NRG2: variants seen among roughly 807,000 people sequenced by gnomAD.
NRG2 encodes the protein neuregulin 2.
In NRG2, 27 loss-of-function variants were observed where a neutral mutation model predicts 73.9. That is an observed-to-expected ratio of 0.37 (90% CI 0.27 to 0.50). NRG2 has a LOEUF of 0.50. NRG2 is among the 20% of genes least tolerant of loss of function. The pLI, the probability that NRG2 is intolerant of heterozygous loss-of-function variation, is 0.96. For synonymous variants in NRG2, 532 were observed against 541.0 expected (o/e 0.98, Z 0.23); for missense variants, 1,126 against 1,210.1 (o/e 0.93, Z 1.03).
In NRG2 at chr5:139,865,174, C is replaced by G. The variant is rs1407726867; in HGVS notation, c.1189+375G>C. On this transcript the variant is annotated intron_variant, in intron 5 of 9. Transcript: ENST00000361474. The surrounding 1 kb of genome is among the most constrained non-coding windows in gnomAD (Gnocchi z 5.2). ...GTCCCCGGTGTATCCCACAGGACAC[C>G]TACCAAAAGAAAGAAAACCAGAAAG... 1 of 1,613,276 alleles carries G rather than the reference C, an allele frequency of 6.2e-7. No homozygotes were observed. The highest frequency in any genetic ancestry group is 1.3e-5 in the African/African-American group (1 of 74,882).
At chr5:139,950,002 G>A (rs1754076145) in intron 1 of NRG2, among the ~76,000 whole-genome samples, 1 of 152,194 alleles carries the variant, frequency 6.6e-6, no homozygotes, top group Non-Finnish European at 1.5e-5. Context: ...GCATGTGTGT[G>A]ACAAAGACAC....
chr5:139,851,909 C>A lies in NRG2; in HGVS notation c.1545-78G>T. On this transcript the variant is annotated intron_variant, in intron 8 of 9. Coordinates refer to ENST00000361474, the MANE Select transcript of NRG2 (RefSeq NM_004883.3). The surrounding 1 kb of genome is among the most constrained non-coding windows in gnomAD (Gnocchi z 4.2). ...CAGCAGGTGTGGTCCCATGGACCTC[C>A]CTGGCTCTTCTTCCACCTCGAGCTC... The A allele has an allele frequency of 8.0e-7, 1 of 1,242,458 alleles. No homozygotes were observed. Among genetic ancestry groups the A allele is most frequent in the Non-Finnish European group, 1.2e-6 (1 of 868,546 alleles). 77.0% of individuals were successfully genotyped at this position (1,242,458 alleles called of 1,614,324 possible).
At chr5:139,861,543 A>G (rs1762143770) in intron 5 of NRG2, among the ~76,000 whole-genome samples, 1 of 152,190 alleles carries the variant, frequency 6.6e-6, no homozygotes, top group African/African-American at 2.4e-5. Context: ...CCAATGAAGC[A>G]TTCATTACTC....
chr5:140,042,946 C>CGCTGCTCCT lies in NRG2; in HGVS notation c.123_124insAGGAGCAGC (p.Ser41_Glu42insArgSerSer). The CGCTGCTCCT allele has an allele frequency of 6.5e-7, 1 of 1,532,844 alleles. No homozygotes were observed. 95.0% of individuals were successfully genotyped at this position (1,532,844 alleles called of 1,614,324 possible). ...CTGCTCCTGCTGCTGCTGCCGCTCTCGCTGCTGCTGCTGCTGCTGCTGCTG... is the reference window on the plus strand; with the variant it reads ...CTGCTCCTGCTGCTGCTGCCGCTCTCGCTGCTCCTGCTGCTGCTGCTGCTGCTGCTGCTG... On this transcript the variant is annotated inframe_insertion, in exon 1 of 10. Coordinates refer to ENST00000361474, the MANE Select transcript of NRG2 (RefSeq NM_004883.3).
In NRG2 at chr5:140,043,041, G is replaced by A. The variant is rs1288590380; in HGVS notation, c.29C>T (p.Pro10Leu). MRQVCCSAL[P>L]PPPLEKGRCS... is the part of the protein sequence containing the mutation. ...CCGACCCTTCTCCAGTGGCGGCGGC[G>A]GCAGCGCTGAGCAGCAAACCTGCCG... Residue 10 changes from proline (P) to leucine (L), a missense_variant, in exon 1 of 10, where the codon CCG (proline) becomes CTG (leucine). Pro to Leu is a moderately conservative substitution (Grantham distance 98, BLOSUM62 -3). This residue lies in a region of NRG2 where 185 missense variants were observed against 149.0 expected (regional missense o/e 1.24). Transcript: ENST00000361474. This position sits in a 1 kb window ranked among gnomAD's most constrained non-coding sequence, Gnocchi z 6.7. The A allele has an allele frequency of 9.1e-6, 14 of 1,535,584 alleles. No individual in the cohort carries two copies. The African/African-American group carries it at 1.5e-4, about 17-fold the overall frequency.
At chr5:139,943,347 A>G (rs1161334232) in intron 1 of NRG2, among the ~76,000 whole-genome samples, 2 of 151,620 alleles carry the variant, frequency 1.3e-5, no homozygotes, top group Non-Finnish European at 2.9e-5. Context: ...ATGGGGTTTC[A>G]CTGTATTAGC....
At chr5:139,958,058 T>G (rs1212348375) in intron 1 of NRG2, among the ~76,000 whole-genome samples, 1 of 152,046 alleles carries the variant, frequency 6.6e-6, no homozygotes, top group Non-Finnish European at 1.5e-5. Flanking sequence ...CTCCTGGAAG[T>G]TTCCTGGGAC....
chr5:139,933,743 C>G (rs1484696946), intron 1 of NRG2, among the ~76,000 whole-genome samples: 1 of 152,118 alleles, frequency 6.6e-6, no homozygotes, highest in African/African-American at 2.4e-5. Context: ...ACTACCTTAC[C>G]TAATTTACAT....
chr5:139,901,173 T>C (rs1764865974), intron 1 of NRG2, among the ~76,000 whole-genome samples: 1 of 152,212 alleles, frequency 6.6e-6, no homozygotes, highest in Non-Finnish European at 1.5e-5. Flanking sequence ...AGACTAGAGC[T>C]CTTGGTCCCC....
intron 1 of NRG2, among the ~76,000 whole-genome samples, chr5:139,973,347 T>C (rs551701361): frequency 2.5e-4 from 38 of 152,254 alleles, no homozygotes; most frequent in African/African-American, 9.1e-4. Flanking sequence ...AAGATGTTCC[T>C]TCCTTATATC....
At chr5:140,003,865 C>T (rs767059330) in intron 1 of NRG2, among the ~76,000 whole-genome samples, 8 of 152,206 alleles carry the variant, frequency 5.3e-5, no homozygotes, top group Non-Finnish European at 8.8e-5. Flanking sequence ...TCTTACTCCA[C>T]ATCCAATTCT....
At chr5:139,928,662 C>A (rs2126359148) in intron 1 of NRG2, among the ~76,000 whole-genome samples, 1 of 152,288 alleles carries the variant, frequency 6.6e-6, no homozygotes, top group East Asian at 1.9e-4. Flanking sequence ...TCCTGATGGT[C>A]AACTCTGTGC....
At chr5:139,933,372 T>A (rs1337115990) in intron 1 of NRG2, among the ~76,000 whole-genome samples, 1 of 151,114 alleles carries the variant, frequency 6.6e-6, no homozygotes, top group Admixed American at 6.6e-5. Flanking sequence ...TGTAAAACCA[T>A]GCAAATAACA....
chr5:139,999,977 G>A (rs567783528), intron 1 of NRG2, among the ~76,000 whole-genome samples: 1 of 152,318 alleles, frequency 6.6e-6, no homozygotes, highest in South Asian at 2.1e-4. Context: ...GTGATGGGAT[G>A]ATGGGTTATT....
intron 1 of NRG2, among the ~76,000 whole-genome samples, chr5:140,011,404 C>T (rs1231832023): frequency 6.6e-6 from 1 of 152,142 alleles, no homozygotes; most frequent in Non-Finnish European, 1.5e-5. Flanking sequence ...CAATACTTTC[C>T]CTGAGTGTGG....
chr5:140,015,059 G>A (rs1016420448), intron 1 of NRG2, among the ~76,000 whole-genome samples: 2 of 152,006 alleles, frequency 1.3e-5, no homozygotes, highest in African/African-American at 4.8e-5. Flanking sequence ...CCTCCTTCCA[G>A]TTCTCTGCTC....
intron 1 of NRG2, among the ~76,000 whole-genome samples, chr5:139,935,563 T>C (rs142968137): frequency 2.0e-4 from 30 of 152,222 alleles, no homozygotes; most frequent in Non-Finnish European, 4.1e-4. Context: ...CAAAAAGATA[T>C]ATGGAAAAGC....
At chr5:140,000,035 A>C (rs1758314981) in intron 1 of NRG2, among the ~76,000 whole-genome samples, 2 of 152,174 alleles carry the variant, frequency 1.3e-5, no homozygotes, top group African/African-American at 2.4e-5. Context: ...ATGAATGTGT[A>C]ATACTCTTAG....
At chr5:139,999,865 T>C (rs1758300504) in intron 1 of NRG2, among the ~76,000 whole-genome samples, 1 of 152,202 alleles carries the variant, frequency 6.6e-6, no homozygotes, top group Admixed American at 6.5e-5. Context: ...AGAGGGAACC[T>C]GGGGATATCT....
Sources: gnomAD v4.1 joint callset for allele counts (sites outside exome capture counted in the v4.1 genomes callset) on GRCh38, gnomAD v4.1.1 for gene constraint, gnomAD v4.1.1 regional missense constraint, Gnocchi (gnomAD v3.1) non-coding constraint, MANE v1.5 for transcripts, NCBI Gene and HGNC (gene_info 2026-07-23, HGNC 2026-07-21) for gene names.